The following CATSPERT variants were observed in gnomAD, a reference collection of about 807,000 sequenced individuals.
CATSPERT encodes catsper channel auxiliary subunit tau.
chr2:201,547,802 C>T, the CATSPERT span, among the ~76,000 whole-genome samples: 13 of 152,118 alleles, frequency 8.5e-5, no homozygotes, highest in Middle Eastern at 3.4e-3. Context: ...GTACTAGTTA[C>T]CTGGGGATGG....
At chr2:201,534,099 T>A in the CATSPERT span, among the ~76,000 whole-genome samples, 1 of 151,712 alleles carries the variant, frequency 6.6e-6, no homozygotes. Flanking sequence ...AAATCTGAGA[T>A]ATATATATAT....
chr2:201,566,491 TGAA>T, the CATSPERT span, among the ~76,000 whole-genome samples: 1 of 151,900 alleles, frequency 6.6e-6, no homozygotes, highest in South Asian at 2.1e-4. Context: ...TTGCTCAGAA[TGAA>T]GGTTTCCAGC....
chr2:201,552,335 C>T, the CATSPERT span, among the ~76,000 whole-genome samples: 6 of 152,082 alleles, frequency 3.9e-5, no homozygotes, highest in Admixed American at 6.6e-5. Flanking sequence ...GGGACCTGTA[C>T]GAAGTGCCAC....
chr2:201,498,965 A>G, the CATSPERT span, among the ~76,000 whole-genome samples: 1 of 151,292 alleles, frequency 6.6e-6, no homozygotes, highest in Non-Finnish European at 1.5e-5. Flanking sequence ...GGGATTTGAA[A>G]AAAAGGAAAG....
At chr2:201,513,028 A>T in the CATSPERT span, among the ~76,000 whole-genome samples, 1 of 151,836 alleles carries the variant, frequency 6.6e-6, no homozygotes, top group African/African-American at 2.4e-5. Context: ...ACATGTATAC[A>T]TATGTAACTA....
At chr2:201,530,874 T>C in the CATSPERT span, among the ~76,000 whole-genome samples, 1 of 152,110 alleles carries the variant, frequency 6.6e-6, no homozygotes, top group African/African-American at 2.4e-5. Context: ...TTTAATTACA[T>C]ACAGTGCGGC....
the CATSPERT span, among the ~76,000 whole-genome samples, chr2:201,595,939 A>G: frequency 0.88 from 131,282 of 149,514 alleles, 58,656 homozygotes; most frequent in South Asian, 0.98. Flanking sequence ...ATGCTGACGA[A>G]GTTGCAGAGA....
the CATSPERT span, chr2:201,545,629 CAAAAAAAAAAAAAAAA>C: frequency 1.3e-5 from 2 of 152,464 alleles, no homozygotes; most frequent in Non-Finnish European, 2.1e-5. Context: ...TTCCTAGAAG[CAAAAAAAAAAAAAAAA>C]AAAAAAAAGA....
chr2:201,576,759 T>C, the CATSPERT span, among the ~76,000 whole-genome samples: 1 of 152,156 alleles, frequency 6.6e-6, no homozygotes, highest in Non-Finnish European at 1.5e-5. Context: ...GAAATAGCAT[T>C]AATAAAAGCC....
the CATSPERT span, among the ~76,000 whole-genome samples, chr2:201,608,842 C>G: frequency 6.7e-5 from 9 of 134,760 alleles, no homozygotes; most frequent in Non-Finnish European, 1.4e-4. Flanking sequence ...AAGAAACAAA[C>G]AAAGAAAGAA....
chr2:201,565,766 C>T, the CATSPERT span: 1 of 1,592,188 alleles, frequency 6.3e-7, no homozygotes, highest in Non-Finnish European at 8.6e-7. Flanking sequence ...TCAAGTCGCA[C>T]TACAGATGGC....
At chr2:201,491,582 C>T in the CATSPERT span, 5 of 1,536,836 alleles carry the variant, frequency 3.3e-6, no homozygotes, top group Admixed American at 7.8e-5. Flanking sequence ...GATTTTTCCC[C>T]AGTCTCTGTA....
chr2:201,566,563 C>T, the CATSPERT span, among the ~76,000 whole-genome samples: 3 of 152,112 alleles, frequency 2.0e-5, no homozygotes, highest in South Asian at 6.2e-4. Flanking sequence ...GCATAGTATT[C>T]CATGGTGTAT....
At chr2:201,605,906 AAAAAAG>A in the CATSPERT span, among the ~76,000 whole-genome samples, 1 of 152,202 alleles carries the variant, frequency 6.6e-6, no homozygotes, top group Admixed American at 6.5e-5. Context: ...AGAAATTTTT[AAAAAAG>A]ACAAACCATC....
chr2:201,610,048 A>G, the CATSPERT span, among the ~76,000 whole-genome samples: 1 of 152,220 alleles, frequency 6.6e-6, no homozygotes, highest in Admixed American at 6.5e-5. Flanking sequence ...CAAATTGGAA[A>G]ACTCAGAAGA....
At chr2:201,601,914 A>G in the CATSPERT span, 75 of 1,522,266 alleles carry the variant, frequency 4.9e-5, no homozygotes, top group African/African-American at 7.8e-4. Context: ...CAGGAAATAA[A>G]TTTTGTTGTA....
chr2:201,601,786 TCTC>T, the CATSPERT span: 4 of 1,612,504 alleles, frequency 2.5e-6, no homozygotes, highest in Middle Eastern at 1.7e-4. Flanking sequence ...ACAGTGTTCT[TCTC>T]ATCGTTTTTG....
the CATSPERT span, among the ~76,000 whole-genome samples, chr2:201,530,961 G>GTTTTTTTTTTTTTTTT: frequency 7.5e-5 from 8 of 106,046 alleles, no homozygotes; most frequent in Non-Finnish European, 1.1e-4. Flanking sequence ...TTTTTTGTGG[G>GTTTTTTTTTTTTTTTT]TTTTTTTTTT....
the CATSPERT span, among the ~76,000 whole-genome samples, chr2:201,588,174 T>A: frequency 5.9e-5 from 9 of 151,282 alleles, no homozygotes; most frequent in African/African-American, 1.9e-4. Context: ...GATGAAAACT[T>A]GGCAGAGATT....
Sources: gnomAD v4.1 joint callset for allele counts (sites outside exome capture counted in the v4.1 genomes callset) on GRCh38, gnomAD v4.1.1 for gene constraint, MANE v1.5 for transcripts, NCBI Gene and HGNC (gene_info 2026-07-23, HGNC 2026-07-21) for gene names.